The following SYNE2 variants were observed in gnomAD, a reference collection of about 807,000 sequenced individuals.
The protein encoded by SYNE2 is nesprin-2.
SYNE2 carries 431 observed loss-of-function variants against 856.3 expected under a neutral mutation model. The observed-to-expected ratio is 0.50, with a 90% CI of 0.47 to 0.55. The LOEUF (loss-of-function observed/expected upper bound fraction) is 0.55. SYNE2 is among the 20% of genes least tolerant of loss of function. SYNE2 has a pLI of 0.00. For missense variants in SYNE2, 8,129 were observed against 8,023.2 expected (o/e 1.01, Z -0.50); for synonymous variants, 2,923 against 2,872.3 (o/e 1.02, Z -0.56).
chr14:63,881,112 T>C (rs939956597), intron 1 of SYNE2, among the ~76,000 whole-genome samples: 2 of 151,776 alleles, frequency 1.3e-5, no homozygotes, highest in African/African-American at 2.4e-5. Flanking sequence ...CCTCCCAAAG[T>C]GCTGGGATTA....
intron 53 of SYNE2, chr14:64,075,468 A>G: frequency 5.3e-6 from 1 of 190,318 alleles, no homozygotes; most frequent in Non-Finnish European, 1.1e-5. Flanking sequence ...AGGGCTGTCT[A>G]ATTACATGAA....
chr14:64,191,182 ATTAT>A (rs2098517265), intron 99 of SYNE2: 1 of 331,792 alleles, frequency 3.0e-6, no homozygotes, highest in Admixed American at 4.6e-5. Flanking sequence ...TATTTAAATT[ATTAT>A]TTAAATTTAA....
intron 1 of SYNE2, among the ~76,000 whole-genome samples, chr14:63,783,554 T>C (rs1306156974): frequency 1.3e-5 from 2 of 152,186 alleles, no homozygotes; most frequent in Non-Finnish European, 1.5e-5. Flanking sequence ...GACTTCTTTA[T>C]AGCAGTGTTA....
chr14:64,153,073 G>A (rs2098257242), intron 85 of SYNE2, among the ~76,000 whole-genome samples: 1 of 152,182 alleles, frequency 6.6e-6, no homozygotes, highest in Admixed American at 6.5e-5. Flanking sequence ...GTGTCTCCAT[G>A]TACAGGGAGA....
chr14:64,004,487 G>A lies in SYNE2; in HGVS notation c.4397+1157G>A, dbSNP rs1392378504. Reference sequence around the variant, plus strand: ...TGGGATTACAGGCACGCGCCACCACGCCTGGCTAATTTTTGTATTTCTAGT... The same window carrying A: ...TGGGATTACAGGCACGCGCCACCACACCTGGCTAATTTTTGTATTTCTAGT... On this transcript the variant is annotated intron_variant, in intron 30 of 115. Coordinates refer to ENST00000555002, the MANE Select transcript of SYNE2 (RefSeq NM_182914.3). Among the ~76,000 whole-genome samples, 7 of 151,954 alleles carry A rather than the reference G, an allele frequency of 4.6e-5. No homozygotes were observed. In the East Asian group the frequency reaches 9.7e-4, roughly 21 times the overall value.
In SYNE2 at chr14:63,997,306, C is replaced by T; in HGVS notation, c.3158C>T (p.Thr1053Ile). 1.2e-6 allele frequency: 2 copies of T among 1,612,940 alleles called. No individual in the cohort carries two copies. The highest frequency in any genetic ancestry group is 1.7e-6 in the Non-Finnish European group (2 of 1,179,436). Reference protein sequence around the residue: ...TAGGTSKNEGTITTSENRGGD... With the variant: ...TAGGTSKNEGIITTSENRGGD... ...CAATTTTGATTCCTTTCTAGGGGGA[C>T]CATCACCACATCTGAGAATAGAGGA... is the stretch of plus-strand genomic sequence containing the variant. The change falls in exon 25 of 116, where the codon ACC (threonine) becomes ATC (isoleucine). Residue 1053 changes from threonine to isoleucine, a missense_variant. By Grantham distance (89) the Thr-to-Ile change is moderately conservative (BLOSUM62 -1). Transcript: ENST00000555002.
Position 63,789,031 on chromosome 14 carries a change from A to G in SYNE2, c.-305+27045A>G, listed in dbSNP as rs1362420668. On this transcript the variant is annotated intron_variant, in intron 1 of 23. Coordinates refer to the SYNE2 transcript ENST00000674003. ...ATACACAATGGAATATTATTTAGCTATAAGAAAGAATGGATTTCTGTTATT... is the reference window on the plus strand; with the variant it reads ...ATACACAATGGAATATTATTTAGCTGTAAGAAAGAATGGATTTCTGTTATT... 1.2e-4 allele frequency among the ~76,000 whole-genome samples: 19 copies of G among 152,378 alleles called. No homozygotes were observed. The East Asian group carries it at 3.3e-3, about 26-fold the overall frequency.
chr14:63,993,224 T>C (rs1156422613), intron 21 of SYNE2, among the ~76,000 whole-genome samples: 9 of 152,206 alleles, frequency 5.9e-5, no homozygotes, highest in Non-Finnish European at 5.9e-5. Flanking sequence ...TTAACCTTTC[T>C]ATAAATTTTG....
chr14:64,142,931 A>G (rs2098151469), intron 82 of SYNE2, among the ~76,000 whole-genome samples: 1 of 152,252 alleles, frequency 6.6e-6, no homozygotes, highest in South Asian at 2.1e-4. Flanking sequence ...GAATACAAAG[A>G]TGAGTGACAA....
intron 55 of SYNE2, among the ~76,000 whole-genome samples, chr14:64,079,353 G>A (rs561788179): frequency 3.1e-4 from 47 of 152,052 alleles, no homozygotes; most frequent in African/African-American, 9.9e-4. Flanking sequence ...TTCTTAATTC[G>A]CAAGTAAACT....
chr14:64,098,728 C>A lies in SYNE2; in HGVS notation c.12307-19C>A. 1 of 1,613,346 alleles carries A rather than the reference C, an allele frequency of 6.2e-7. No individual in the cohort carries two copies. Among genetic ancestry groups the A allele is most frequent in the South Asian group, 1.1e-5 (1 of 90,790 alleles). On this transcript the variant is annotated intron_variant, in intron 62 of 115. Transcript: ENST00000555002. ...GACTGGCAAGCAGACTGCAGGTATTCTTGTGCTGTGCCTTTCAGTTGAACA... is the reference window on the plus strand; with the variant it reads ...GACTGGCAAGCAGACTGCAGGTATTATTGTGCTGTGCCTTTCAGTTGAACA...
intron 57 of SYNE2, among the ~76,000 whole-genome samples, chr14:64,086,282 C>T (rs1277781301): frequency 6.6e-6 from 1 of 152,160 alleles, no homozygotes; most frequent in Non-Finnish European, 1.5e-5. Context: ...TAAATTACTT[C>T]GGCACTTTGT....
chr14:64,225,427 G>C lies in SYNE2; in HGVS notation c.20625G>C (p.Leu6875=). ...TGCTGCTGCTCCTGGCCTGCCTGCT[G>C]CCCTCCTCCGAAGAAGACTACAGCT... is the stretch of plus-strand genomic sequence containing the variant. ...LLLLLLLACL[L]PSSEEDYSCT... is the part of the protein sequence containing the mutation. The change falls in exon 116 of 116, where the codon CTG becomes CTC. Residue 6875 remains leucine (L), a synonymous_variant. Coordinates refer to ENST00000555002, the MANE Select transcript of SYNE2 (RefSeq NM_182914.3). 1 of 1,614,120 alleles carries C rather than the reference G, an allele frequency of 6.2e-7. No homozygotes were observed. Among genetic ancestry groups the C allele is most frequent in the African/African-American group, 1.3e-5 (1 of 75,032 alleles).
intron 89 of SYNE2, 85 bp from the exon 90 acceptor site, chr14:64,165,200 A>T: frequency 6.7e-7 from 1 of 1,486,806 alleles, no homozygotes; most frequent in South Asian, 1.1e-5. Context: ...AACATCTTGA[A>T]TTTTTAGCAG....
chr14:63,906,580 T>A (rs2153345692), intron 1 of SYNE2, among the ~76,000 whole-genome samples: 1 of 152,310 alleles, frequency 6.6e-6, no homozygotes, highest in East Asian at 1.9e-4. Flanking sequence ...TCCTCTAGAT[T>A]TTCTAAGTTG....
At chr14:63,839,887 G>A (rs544235269) in intron 1 of SYNE2, among the ~76,000 whole-genome samples, 10 of 152,236 alleles carry the variant, frequency 6.6e-5, no homozygotes, top group African/African-American at 1.4e-4. Flanking sequence ...TGGTTATCAC[G>A]TTTAAATTTT....
At chr14:64,162,335 G>C in intron 88 of SYNE2, 59 bp downstream of exon 88, 1 of 1,548,720 alleles carries the variant, frequency 6.5e-7, no homozygotes, top group African/African-American at 1.4e-5. Context: ...ATGGGGTAAG[G>C]GACAGCCATG....
intron 45 of SYNE2, among the ~76,000 whole-genome samples, chr14:64,037,339 G>T (rs957562662): frequency 6.6e-6 from 1 of 150,702 alleles, no homozygotes; most frequent in Non-Finnish European, 1.5e-5. Context: ...GACTCTTAAC[G>T]AGCATGCTGC....
At chr14:64,212,765 TCAGGGTAA>T (rs760820582) in intron 104 of SYNE2, 38 bp from the exon 105 acceptor site, 1 of 1,584,008 alleles carries the variant, frequency 6.3e-7, no homozygotes, top group South Asian at 1.1e-5. Context: ...CAGTGGAAGC[TCAGGGTAA>T]CTTTCTTTGA....
Sources: gnomAD v4.1 joint callset for allele counts (sites outside exome capture counted in the v4.1 genomes callset) on GRCh38, gnomAD v4.1.1 for gene constraint, MANE v1.5 for transcripts, NCBI Gene and HGNC (gene_info 2026-07-23, HGNC 2026-07-21) for gene names.